Variants in VAT1L observed in about 807,000 individuals in gnomAD.
The protein encoded by VAT1L is vesicle amine transport 1 like, also known as putative NADPH-dependent quinone oxidoreductase VAT1L.
Under a neutral mutation model 44.1 loss-of-function variants are expected in VAT1L, and 34 were observed. The ratio of observed to expected loss-of-function variants is 0.77; its 90% CI spans 0.59 to 1.03. The LOEUF (loss-of-function observed/expected upper bound fraction) is 1.03. Among genes scored for constraint, VAT1L ranks in the 50% least tolerant of loss-of-function variants. The probability of loss-of-function intolerance (pLI) is 0.00; values close to 1 mark genes in which losing one functional copy is unlikely to be tolerated. For missense variants in VAT1L, 615 were observed against 538.8 expected (o/e 1.14, Z -1.40); for synonymous variants, 253 against 202.2 (o/e 1.25, Z -2.13).
intron 3 of VAT1L, among the ~76,000 whole-genome samples, chr16:77,839,108 G>A (rs1597060385): frequency 6.6e-6 from 1 of 152,124 alleles, no homozygotes; most frequent in Non-Finnish European, 1.5e-5. Context: ...CAGAACATGA[G>A]GACGTAAGTG....
chr16:77,946,327 A>G (rs1322733946), intron 7 of VAT1L, among the ~76,000 whole-genome samples: 1 of 106,890 alleles, frequency 9.4e-6, no homozygotes, highest in African/African-American at 3.6e-5. Context: ...TCTGATGCCC[A>G]GGCTGGAGTG....
At chr16:77,910,198 T>G (rs1317625653) in intron 7 of VAT1L, among the ~76,000 whole-genome samples, 1 of 152,196 alleles carries the variant, frequency 6.6e-6, no homozygotes, top group Non-Finnish European at 1.5e-5. Flanking sequence ...TAAGCATGGA[T>G]AGCATGTCTG....
chr16:77,909,808 C>T (rs1283307406), intron 7 of VAT1L, among the ~76,000 whole-genome samples: 1 of 152,038 alleles, frequency 6.6e-6, no homozygotes, highest in Admixed American at 6.5e-5. Flanking sequence ...CAGTGGAGGA[C>T]CTGGGATTTG....
chr16:77,789,932 G>T (rs571958589), intron 1 of VAT1L, among the ~76,000 whole-genome samples: 1 of 152,282 alleles, frequency 6.6e-6, no homozygotes, highest in African/African-American at 2.4e-5. Flanking sequence ...AGGTTTGCAT[G>T]TTAAACTTGT....
intron 4 of VAT1L, among the ~76,000 whole-genome samples, chr16:77,871,483 G>A (rs139899758): frequency 6.6e-6 from 1 of 152,274 alleles, no homozygotes; most frequent in Non-Finnish European, 1.5e-5. Flanking sequence ...AGAAGTGACA[G>A]TGGTGGTCGC....
At chr16:77,953,818 G>A (rs2142526863) in intron 7 of VAT1L, among the ~76,000 whole-genome samples, 1 of 152,154 alleles carries the variant, frequency 6.6e-6, no homozygotes, top group East Asian at 1.9e-4. Flanking sequence ...CTTAATTTGA[G>A]CACGTGTATC....
At chr16:77,871,976 C>A (rs1213384447) in intron 4 of VAT1L, among the ~76,000 whole-genome samples, 1 of 152,090 alleles carries the variant, frequency 6.6e-6, no homozygotes, top group Admixed American at 6.5e-5. Context: ...AAATGGTAAT[C>A]AATCAAAGCT....
chr16:77,864,161 G>T (rs73577088), intron 4 of VAT1L, among the ~76,000 whole-genome samples: 2 of 152,150 alleles, frequency 1.3e-5, no homozygotes, highest in Non-Finnish European at 2.9e-5. Context: ...CTGGGCCCCA[G>T]GCTTGTTCTC....
At chr16:77,836,306 G>A (rs998047299) in intron 3 of VAT1L, among the ~76,000 whole-genome samples, 2 of 152,086 alleles carry the variant, frequency 1.3e-5, no homozygotes, top group African/African-American at 4.8e-5. Context: ...CCCACCGTGA[G>A]CCCCAGGATA....
At chr16:77,936,042 G>A (rs1483449999) in intron 7 of VAT1L, among the ~76,000 whole-genome samples, 1 of 151,900 alleles carries the variant, frequency 6.6e-6, no homozygotes, top group East Asian at 1.9e-4. Flanking sequence ...ATACATACCT[G>A]GGGAGAAAAA....
At chr16:77,846,764 G>T (rs2016761641) in intron 3 of VAT1L, among the ~76,000 whole-genome samples, 2 of 152,086 alleles carry the variant, frequency 1.3e-5, no homozygotes, top group South Asian at 2.1e-4. Context: ...ATTCAAAATG[G>T]GGTGTTAAAT....
At chr16:77,829,902 C>A (rs897056132) in intron 3 of VAT1L, among the ~76,000 whole-genome samples, 3 of 152,110 alleles carry the variant, frequency 2.0e-5, no homozygotes, top group Non-Finnish European at 4.4e-5. Flanking sequence ...GCAGAGATTA[C>A]TATAGGCAGT....
At chr16:77,904,485 C>G (rs2017419590) in intron 7 of VAT1L, among the ~76,000 whole-genome samples, 1 of 152,090 alleles carries the variant, frequency 6.6e-6, no homozygotes, top group African/African-American at 2.4e-5. Flanking sequence ...GGACAGCCAC[C>G]CTCTCACTGT....
chr16:77,937,126 C>A (rs905456202), intron 7 of VAT1L, among the ~76,000 whole-genome samples: 1 of 152,094 alleles, frequency 6.6e-6, no homozygotes, highest in Non-Finnish European at 1.5e-5. Flanking sequence ...CATGATCTGC[C>A]CACCTCGGCC....
In VAT1L at chr16:77,947,621, C is replaced by T. The variant is rs568862906; in HGVS notation, c.1078-24229C>T. 2.6e-5 allele frequency among the ~76,000 whole-genome samples: 4 copies of T among 152,306 alleles called. No homozygotes were observed. In the East Asian group the frequency reaches 7.7e-4, roughly 29 times the overall value. On this transcript the variant is annotated intron_variant, in intron 7 of 8. Coordinates refer to ENST00000302536, the MANE Select transcript of VAT1L (RefSeq NM_020927.3). The stretch of plus-strand genomic sequence containing the variant: ...ATAAGAGGGGCCAGCTGACCTGGCC[C>T]AGCACACAACATCCCCAGGACACCC...
chr16:77,911,229 G>A (rs1334522938), intron 7 of VAT1L, among the ~76,000 whole-genome samples: 1 of 152,174 alleles, frequency 6.6e-6, no homozygotes, highest in Admixed American at 6.5e-5. Flanking sequence ...TCCCAGTTGG[G>A]AAGAAAAAGG....
intron 7 of VAT1L, among the ~76,000 whole-genome samples, chr16:77,938,790 G>A (rs1219299896): frequency 6.6e-6 from 1 of 152,110 alleles, no homozygotes; most frequent in Non-Finnish European, 1.5e-5. Flanking sequence ...AGCACTGTGA[G>A]AACAGACTAA....
chr16:77,947,210 C>T (rs2017979964), intron 7 of VAT1L, among the ~76,000 whole-genome samples: 2 of 152,158 alleles, frequency 1.3e-5, no homozygotes, highest in Non-Finnish European at 2.9e-5. Flanking sequence ...AAGGAGGATT[C>T]CAGCGCTCAC....
At chr16:77,977,506 C>A in intron 8 of VAT1L, 91 bp from the exon 9 acceptor site, 2 of 1,321,332 alleles carry the variant, frequency 1.5e-6, no homozygotes, top group Non-Finnish European at 2.1e-6. Flanking sequence ...TCCTAGCCCC[C>A]AAGAAGTCCT....
Sources: gnomAD v4.1 joint callset for allele counts (sites outside exome capture counted in the v4.1 genomes callset) on GRCh38, gnomAD v4.1.1 for gene constraint, MANE v1.5 for transcripts, NCBI Gene and HGNC (gene_info 2026-07-23, HGNC 2026-07-21) for gene names.